The following C11orf65 variants were observed in gnomAD, a reference collection of about 807,000 sequenced individuals.
C11orf65 encodes the protein chromosome 11 open reading frame 65, also known as protein MFI.
C11orf65 carries 38 observed loss-of-function variants against 35.3 expected under a neutral mutation model. The ratio of observed to expected loss-of-function variants is 1.08; its 90% CI spans 0.83 to 1.41. The LOEUF is 1.41. Ranked by LOEUF, C11orf65 falls within the 40% of genes most tolerant of loss-of-function variation. The pLI, the probability that C11orf65 is intolerant of heterozygous loss-of-function variation, is 0.00. For synonymous variants in C11orf65, 105 were observed against 114.4 expected (o/e 0.92, Z 0.53); for missense variants, 370 against 367.1 (o/e 1.01, Z -0.06).
At chr11:108,358,351 A>G (rs909003872) in intron 2 of C11orf65, among the ~76,000 whole-genome samples, 2 of 144,766 alleles carry the variant, frequency 1.4e-5, no homozygotes, top group African/African-American at 5.1e-5. Context: ...GGAGAATGGA[A>G]CCAAGTTGGA....
intron 6 of C11orf65, chr11:108,325,275 T>G: frequency 2.1e-6 from 2 of 952,524 alleles, no homozygotes; most frequent in Non-Finnish European, 3.3e-6. Context: ...TTTTCATTTC[T>G]CTTGCTTACA....
intron 7 of C11orf65, among the ~76,000 whole-genome samples, chr11:108,390,975 T>A (rs2092146045): frequency 6.6e-6 from 1 of 152,150 alleles, no homozygotes; most frequent in African/African-American, 2.4e-5. Flanking sequence ...TTTTTTCTTT[T>A]ATTCTTGTTT....
In C11orf65 at chr11:108,366,135, A is replaced by G. The variant is rs1014149927; in HGVS notation, c.226+27073T>C. On this transcript the variant is annotated intron_variant, in intron 2 of 3. Transcript: ENST00000524755. ...TATGGAGAACAAATTTCAAAGACAC[A>G]GTTAGTGTAGTTACTATTTTTTTAA... 2 of 193,772 alleles carry G rather than the reference A, an allele frequency of 1.0e-5. No homozygotes were observed. The allele number at this position is 193,772 out of a possible 1,614,324, so 12.0% of individuals were successfully genotyped here.
At chr11:108,451,952 T>C (rs550128860) in intron 2 of C11orf65, among the ~76,000 whole-genome samples, 28 of 152,320 alleles carry the variant, frequency 1.8e-4, no homozygotes, top group Non-Finnish European at 2.8e-4. Flanking sequence ...TGGTTAGCCA[T>C]AGGTAGAAAG....
chr11:108,366,528 G>C, intron 2 of C11orf65: 1 of 228,352 alleles, frequency 4.4e-6, no homozygotes, highest in East Asian at 6.3e-5. Flanking sequence ...TGTTCATCCA[G>C]TTTTGTCTTT....
intron 3 of C11orf65, among the ~76,000 whole-genome samples, chr11:108,411,498 C>A (rs905612342): frequency 6.6e-6 from 1 of 152,132 alleles, no homozygotes; most frequent in African/African-American, 2.4e-5. Flanking sequence ...CTCTATATAT[C>A]AATTAGGTAA....
intron 6 of C11orf65, 88 bp from the exon 7 acceptor site, chr11:108,393,466 A>G: frequency 8.1e-7 from 1 of 1,228,158 alleles, no homozygotes; most frequent in Non-Finnish European, 1.2e-6. Context: ...TGCTATTTAC[A>G]TATTAAAACT....
chr11:108,374,371 T>C (rs7934935), intron 2 of C11orf65, among the ~76,000 whole-genome samples: 81,484 of 151,780 alleles, frequency 0.54, 22,446 homozygotes, highest in Middle Eastern at 0.74. Flanking sequence ...GATACCCAGG[T>C]AAACAGGGTC....
At chr11:108,449,748 A>G (rs1276405970) in intron 2 of C11orf65, among the ~76,000 whole-genome samples, 1 of 152,046 alleles carries the variant, frequency 6.6e-6, no homozygotes, top group African/African-American at 2.4e-5. Context: ...TGTCTGAAAC[A>G]CCAAAAGCAA....
intron 3 of C11orf65, among the ~76,000 whole-genome samples, chr11:108,422,881 CAAA>C (rs769411381): frequency 3.3e-5 from 3 of 92,174 alleles, no homozygotes; most frequent in Non-Finnish European, 6.7e-5. Context: ...GACTCTGTCT[CAAA>C]AAAAAAAAAA....
At chr11:108,353,446 C>G (rs2089446270) in intron 2 of C11orf65, among the ~76,000 whole-genome samples, 1 of 152,106 alleles carries the variant, frequency 6.6e-6, no homozygotes, top group Non-Finnish European at 1.5e-5. Flanking sequence ...CACACCCAGC[C>G]TAAAAATTTT....
chr11:108,409,550 T>C (rs1444665264), intron 3 of C11orf65, among the ~76,000 whole-genome samples: 2 of 152,176 alleles, frequency 1.3e-5, no homozygotes, highest in East Asian at 3.9e-4. Flanking sequence ...TATGATGCTC[T>C]TGTCGTGATG....
chr11:108,312,627 T>C (rs911525089), intron 6 of C11orf65: 3 of 678,302 alleles, frequency 4.4e-6, no homozygotes, highest in African/African-American at 3.6e-5. Flanking sequence ...GCATCATATA[T>C]ATAAAATTAT....
intron 2 of C11orf65, among the ~76,000 whole-genome samples, chr11:108,442,490 C>T (rs1217630631): frequency 6.6e-6 from 1 of 152,126 alleles, no homozygotes. Context: ...CAAAGATACT[C>T]CTCGAGAAGA....
At position 108,317,414 on chromosome 11, in the gene C11orf65, T is replaced by C. The variant is rs1383950977; in HGVS notation, c.641-8343A>G. Reference sequence around the variant, plus strand: ...GACTCTGCCATATTCTTTCCGTCTATTTAAAAGGATTGGATTATGAAAATA... The same window carrying C: ...GACTCTGCCATATTCTTTCCGTCTACTTAAAAGGATTGGATTATGAAAATA... On this transcript the variant is annotated intron_variant, in intron 6 of 6. Transcript: ENST00000525729. The C allele has an allele frequency of 6.2e-7, 1 of 1,612,558 alleles. No homozygotes were observed. Among genetic ancestry groups the C allele is most frequent in the South Asian group, 1.1e-5 (1 of 91,050 alleles).
chr11:108,410,779 G>A (rs181203466), intron 3 of C11orf65, among the ~76,000 whole-genome samples: 90 of 149,832 alleles, frequency 6.0e-4, no homozygotes, highest in African/African-American at 2.1e-3. Context: ...CCTGATCTTG[G>A]CTCACTGAAA....
intron 6 of C11orf65, among the ~76,000 whole-genome samples, chr11:108,322,045 ATT>A (rs2085272200): frequency 6.6e-6 from 1 of 152,172 alleles, no homozygotes; most frequent in Admixed American, 6.5e-5. Flanking sequence ...ACTACATTGT[ATT>A]ACTGTCATTT....
intron 3 of C11orf65, among the ~76,000 whole-genome samples, chr11:108,425,810 G>A (rs191492331): frequency 3.9e-5 from 6 of 152,198 alleles, no homozygotes; most frequent in Admixed American, 2.0e-4. Flanking sequence ...CGATCAAGTC[G>A]GCTTCATCCC....
downstream of C11orf65, chr11:108,327,765 T>C (rs1404350048): frequency 1.2e-6 from 2 of 1,600,352 alleles, no homozygotes; most frequent in South Asian, 1.1e-5. Context: ...AAAGGTAAGA[T>C]TTTTGGAGCA....
Sources: allele counts gnomAD v4.1 joint callset (sites outside exome capture counted in the v4.1 genomes callset), GRCh38; gene constraint gnomAD v4.1.1; transcripts MANE v1.5; gene names NCBI Gene and HGNC (gene_info 2026-07-23, HGNC 2026-07-21).